Variants in AQP9 observed in about 807,000 individuals in gnomAD.
AQP9 encodes the protein aquaporin-9.
AQP9 carries 19 observed loss-of-function variants against 23.8 expected under a neutral mutation model. The ratio of observed to expected loss-of-function variants is 0.80; its 90% CI spans 0.56 to 1.17. The LOEUF is 1.17. Ranked by LOEUF, AQP9 falls within the 50% of genes most tolerant of loss-of-function variation. The pLI, the probability that AQP9 is intolerant of heterozygous loss-of-function variation, is 0.00. For synonymous variants in AQP9, 153 were observed against 131.5 expected (o/e 1.16, Z -1.12); for missense variants, 413 against 362.0 (o/e 1.14, Z -1.14).
chr15:58,148,854 G>T (rs1482591562), intron 1 of AQP9, among the ~76,000 whole-genome samples: 8 of 152,084 alleles, frequency 5.3e-5, no homozygotes, highest in Non-Finnish European at 1.0e-4. Flanking sequence ...GAGCACTGAG[G>T]CTGGCCATGT....
chr15:58,174,847 C>A, intron 3 of AQP9, 71 bp from the exon 4 acceptor site: 2 of 1,309,806 alleles, frequency 1.5e-6, no homozygotes, highest in Non-Finnish European at 2.2e-6. Flanking sequence ...TTGTTTAGCA[C>A]AAGGCTTGGC....
chr15:58,173,920 A>C (rs1321819361), intron 3 of AQP9, among the ~76,000 whole-genome samples: 3 of 152,166 alleles, frequency 2.0e-5, no homozygotes, highest in Non-Finnish European at 4.4e-5. Context: ...GGTAAGCCTT[A>C]ATACATTATG....
intron 1 of AQP9, chr15:58,155,698 A>T (rs1488756111): frequency 1.3e-5 from 2 of 152,004 alleles, no homozygotes; most frequent in Non-Finnish European, 2.9e-5. Context: ...TACTATTTTC[A>T]CCTGATCTCC....
At chr15:58,146,771 A>G (rs954851758) in intron 1 of AQP9, 1 of 152,210 alleles carries the variant, frequency 6.6e-6, no homozygotes, top group African/African-American at 2.4e-5. Context: ...ACCGCCAGCC[A>G]GAAATGATTG....
Position 58,175,091 on chromosome 15 carries a change from G to C in AQP9, c.495+55G>C, listed in dbSNP as rs866889695. ...TTGGTGAAAAGATATGCTCTCATAA[G>C]GGGAATGCATTGGAGAATTAGAGAC... On this transcript the variant is annotated intron_variant, in intron 4 of 5. Transcript: ENST00000219919. 81 of 1,441,390 alleles carry C rather than the reference G, an allele frequency of 5.6e-5. 3 individuals carry two copies. The South Asian group carries it at 8.7e-4, about 16-fold the overall frequency. 89.3% of individuals were successfully genotyped at this position (1,441,390 alleles called of 1,614,324 possible).
intron 2 of AQP9, among the ~76,000 whole-genome samples, chr15:58,168,271 T>A (rs142495118): frequency 6.3e-4 from 96 of 152,200 alleles, no homozygotes; most frequent in African/African-American, 2.2e-3. Flanking sequence ...ACTCAAGTGA[T>A]CCACTTGCCT....
At chr15:58,169,679 T>C (rs73426180) in intron 2 of AQP9, among the ~76,000 whole-genome samples, 8,484 of 152,232 alleles carry the variant, frequency 0.056, 594 homozygotes, top group African/African-American at 0.16. Context: ...TATTTGTCTT[T>C]TAAATATAAA....
intron 4 of AQP9, among the ~76,000 whole-genome samples, chr15:58,176,962 G>C (rs973982724): frequency 1.3e-5 from 2 of 152,036 alleles, no homozygotes; most frequent in South Asian, 4.2e-4. Flanking sequence ...ATTTCTCTAA[G>C]GTCTGTGGTT....
chr15:58,152,081 T>C (rs1898161831), intron 1 of AQP9: 2 of 152,322 alleles, frequency 1.3e-5, no homozygotes, highest in South Asian at 4.1e-4. Flanking sequence ...GTCACCCTTA[T>C]AATTGCCCAT....
chr15:58,156,314 T>A (rs1450430023), intron 1 of AQP9, among the ~76,000 whole-genome samples: 1 of 152,230 alleles, frequency 6.6e-6, no homozygotes, highest in African/African-American at 2.4e-5. Flanking sequence ...GAATAATATA[T>A]TGCACTATAA....
chr15:58,173,257 A>G, intron 3 of AQP9, 52 bp downstream of exon 3: 1 of 1,606,128 alleles, frequency 6.2e-7, no homozygotes, highest in Non-Finnish European at 8.5e-7. Flanking sequence ...CATAATTTGA[A>G]AGTCAGAATT....
In AQP9 at chr15:58,157,251, T is replaced by C. The variant is rs1017845745; in HGVS notation, c.112-9422T>C. 2.1e-4 allele frequency among the ~76,000 whole-genome samples: 32 copies of C among 152,196 alleles called. 1 individual carries two copies. The highest frequency in any genetic ancestry group is 2.0e-3 in the Admixed American group (31 of 15,282). ...AGGTAAAGCAGTCACACAGAACTCA[T>C]GTTCTTGGGTCATGTTGCTGCTGTC... On this transcript the variant is annotated intron_variant, in intron 1 of 5. Coordinates refer to ENST00000219919, the MANE Select transcript of AQP9 (RefSeq NM_020980.5).
chr15:58,171,802 T>C (rs1356275493), intron 2 of AQP9, among the ~76,000 whole-genome samples: 1 of 152,084 alleles, frequency 6.6e-6, no homozygotes, highest in Non-Finnish European at 1.5e-5. Context: ...TAGAGGCTTC[T>C]GGAAACAAGT....
chr15:58,179,233 A>G lies in AQP9; in HGVS notation c.601A>G (p.Ile201Val), dbSNP rs1226596750. The change falls in exon 5 of 6, where the codon ATT (isoleucine) becomes GTT (valine). Residue 201 changes from isoleucine (I) to valine (V), a missense_variant. Physicochemically the swap from Ile to Val is conservative, Grantham distance 29. Transcript: ENST00000219919. The stretch of plus-strand genomic sequence containing the variant: ...GCCCATTGCCATCGGCCTCCTGATT[A>G]TTGTCATTGCTTCCTCCCTGGGACT... The part of the protein sequence containing the change: ...LEPIAIGLLI[I>V]VIASSLGLNS... 1 of 1,613,982 alleles carries G rather than the reference A, an allele frequency of 6.2e-7. No homozygotes were observed. The highest frequency in any genetic ancestry group is 1.3e-5 in the African/African-American group (1 of 74,914).
rs994099343 is a variant in AQP9, at chr15:58,166,553, T to C, written c.112-120T>C. 1.1e-5 allele frequency: 14 copies of C among 1,327,252 alleles called. No homozygotes were observed. In the East Asian group the frequency reaches 3.1e-4, roughly 29 times the overall value. The allele number at this position is 1,327,252 out of a possible 1,614,324, so 82.2% of individuals were successfully genotyped here. A position where few individuals can be genotyped will look rare whatever the true frequency, so the allele number is the denominator to read the frequency against. On this transcript the variant is annotated intron_variant, in intron 1 of 5. Transcript: ENST00000219919. The stretch of plus-strand genomic sequence containing the variant: ...AGCTGAATCATTATAATTTGATTTG[T>C]ATAAAACCCAAGGCAACCCAATCCA...
chr15:58,182,044 G>A (rs537727122), intron 5 of AQP9, among the ~76,000 whole-genome samples: 10 of 152,080 alleles, frequency 6.6e-5, no homozygotes, highest in Non-Finnish European at 1.5e-4. Flanking sequence ...ACTCCTGAAC[G>A]GCAAGCAGTG....
At position 58,185,047 on chromosome 15, in the gene AQP9, C is replaced by G. The variant is rs1898991999; in HGVS notation, c.*912C>G. The G allele has an allele frequency of 6.6e-6, 1 of 152,192 alleles. No homozygotes were observed. Among genetic ancestry groups the G allele is most frequent in the Non-Finnish European group, 1.5e-5 (1 of 68,046 alleles). 9.4% of individuals were successfully genotyped at this position (152,192 alleles called of 1,614,324 possible). ...AAGCCAAAACTGAAAGCCACTGGAT[C>G]CTGGTCTAGCTGAATCTTCAGAGTG... On this transcript the variant is annotated 3_prime_UTR_variant, in exon 6 of 6. Coordinates refer to ENST00000219919, the MANE Select transcript of AQP9 (RefSeq NM_020980.5).
intron 1 of AQP9, among the ~76,000 whole-genome samples, chr15:58,144,268 T>C (rs531395488): frequency 2.8e-4 from 42 of 152,024 alleles, no homozygotes; most frequent in African/African-American, 9.0e-4. Context: ...TTGCTTTTCA[T>C]ATTTGTGTCT....
At position 58,185,250 on chromosome 15, in the gene AQP9, A is replaced by G. The variant is rs1898998360; in HGVS notation, c.*1115A>G. The G allele has an allele frequency of 6.5e-6, 1 of 152,672 alleles. No homozygotes were observed. The highest frequency in any genetic ancestry group is 2.4e-5 in the African/African-American group (1 of 41,468). The allele number at this position is 152,672 out of a possible 1,614,324, so 9.5% of individuals were successfully genotyped here. ...AGTTGAGTTGTCCAAGAGCACACTG[A>G]AAGTTGAATGTTATCTAATGCATTC... On this transcript the variant is annotated 3_prime_UTR_variant, in exon 6 of 6. Coordinates refer to ENST00000219919, the MANE Select transcript of AQP9 (RefSeq NM_020980.5).
Sources: gnomAD v4.1 joint callset for allele counts (sites outside exome capture counted in the v4.1 genomes callset) on GRCh38, gnomAD v4.1.1 for gene constraint, MANE v1.5 for transcripts, NCBI Gene and HGNC (gene_info 2026-07-23, HGNC 2026-07-21) for gene names.